The following DCPS variants were observed in gnomAD, a reference collection of about 807,000 sequenced individuals.
The protein encoded by DCPS is decapping enzyme, scavenger.
Under a neutral mutation model 34.7 loss-of-function variants are expected in DCPS, and 27 were observed. The observed-to-expected ratio is 0.78, with a 90% CI of 0.57 to 1.07. DCPS has a LOEUF of 1.07. Ranked by LOEUF, DCPS falls within the 50% of genes least tolerant of loss-of-function variation. The pLI, the probability that DCPS is intolerant of heterozygous loss-of-function variation, is 0.00. For missense variants in DCPS, 464 were observed against 436.9 expected, an observed-to-expected ratio of 1.06 and a Z score of -0.55; for synonymous variants, 185 against 185.7, an observed-to-expected ratio of 1.00 and a Z score of 0.03.
rs941482241 is a variant in DCPS, at chr11:126,346,778, A to G, written c.*1165A>G. ...CCCTGCCTGAGAACCAGGAAGCCTCATTCAGAGATTAGCCCCTTTACTGCA... is the reference window on the plus strand; with the variant it reads ...CCCTGCCTGAGAACCAGGAAGCCTCGTTCAGAGATTAGCCCCTTTACTGCA... On this transcript the variant is annotated 3_prime_UTR_variant, in exon 6 of 6. Coordinates refer to ENST00000263579, the MANE Select transcript of DCPS (RefSeq NM_014026.6). This position sits in a 1 kb window ranked among gnomAD's most constrained non-coding sequence, Gnocchi z 4.1. 6.6e-6 allele frequency among the ~76,000 whole-genome samples: 1 copy of G among 152,214 alleles called. No homozygotes were observed. Among genetic ancestry groups the G allele is most frequent in the Non-Finnish European group, 1.5e-5 (1 of 68,032 alleles).
In DCPS at chr11:126,313,813, A is replaced by G. The variant is rs1951636509; in HGVS notation, c.376+7069A>G. On this transcript the variant is annotated intron_variant, in intron 2 of 5. Coordinates refer to ENST00000263579, the MANE Select transcript of DCPS (RefSeq NM_014026.6). The surrounding 1 kb of genome is among the most constrained non-coding windows in gnomAD (Gnocchi z 4.9). ...TGTTCTGAGCATATGTATTCTTTTT[A>G]TTTTACTTAGGTTTTTAAGTGGTAC... is the stretch of plus-strand genomic sequence containing the variant. Among the ~76,000 whole-genome samples, 1 of 152,116 alleles carries G rather than the reference A, an allele frequency of 6.6e-6. No individual in the cohort carries two copies.
rs1398732645 is a variant in DCPS, at chr11:126,320,155, G to A, written c.377-11250G>A. ...ACCTGCCTCAGCCTCTCAAAGTGCT[G>A]GGATTACAGGCATGAGCTACGGTGC... On this transcript the variant is annotated intron_variant, in intron 2 of 5. Transcript: ENST00000263579. The surrounding 1 kb of genome is among the most constrained non-coding windows in gnomAD (Gnocchi z 4.7). 6.6e-6 allele frequency among the ~76,000 whole-genome samples: 1 copy of A among 152,006 alleles called. No individual in the cohort carries two copies. Among genetic ancestry groups the A allele is most frequent in the Non-Finnish European group, 1.5e-5 (1 of 68,016 alleles).
chr11:126,312,367 C>A lies in DCPS; in HGVS notation c.376+5623C>A, dbSNP rs1324760423. On this transcript the variant is annotated intron_variant, in intron 2 of 5. Transcript: ENST00000263579. The surrounding 1 kb of genome is among the most constrained non-coding windows in gnomAD (Gnocchi z 5.1). ...TATTTATTTATTTTTGGGGCAGAATCTCTCTCTGTCACCCAGGCTGGAGTG... is the reference window on the plus strand; with the variant it reads ...TATTTATTTATTTTTGGGGCAGAATATCTCTCTGTCACCCAGGCTGGAGTG... Among the ~76,000 whole-genome samples the A allele has an allele frequency of 6.6e-6, 1 of 151,718 alleles. No homozygotes were observed. Among genetic ancestry groups the A allele is most frequent in the African/African-American group, 2.4e-5 (1 of 41,256 alleles).
rs1367173796 is a variant in DCPS at position 126,347,941 on chromosome 11, G to A, written c.*2328G>A. Among the ~76,000 whole-genome samples, 1 of 152,084 alleles carries A rather than the reference G, an allele frequency of 6.6e-6. No individual in the cohort carries two copies. The highest frequency in any genetic ancestry group is 2.4e-5 in the African/African-American group (1 of 41,410). On this transcript the variant is annotated 3_prime_UTR_variant, in exon 6 of 6. Coordinates refer to ENST00000263579, the MANE Select transcript of DCPS (RefSeq NM_014026.6). This position sits in a 1 kb window ranked among gnomAD's most constrained non-coding sequence, Gnocchi z 4.2. ...TCCCTGTGGAGCAGCCCTTCCCTGT[G>A]GCCTCAGCCCATGCCCTCCTGCCCA...
At chr11:126,316,901 C>T (rs1366909235) in intron 2 of DCPS, among the ~76,000 whole-genome samples, 1 of 150,538 alleles carries the variant, frequency 6.6e-6, no homozygotes, top group African/African-American at 2.4e-5. Flanking sequence ...GGTGATCTGC[C>T]CACCTCAGCC....
Position 126,338,342 on chromosome 11 carries a change from C to T in DCPS, c.579C>T (p.Asn193=), listed in dbSNP as rs1322195641. ...AAGCGGACCGGATTGTTTTCGAGAA[C>T]CCAGATCCCTCTGATGGTTTTGTCC... ...KAEADRIVFE[N]PDPSDGFVLI... The change falls in exon 4 of 6, where the codon AAC becomes AAT. Residue 193 remains asparagine, a synonymous_variant. Transcript: ENST00000263579. This position sits in a 1 kb window ranked among gnomAD's most constrained non-coding sequence, Gnocchi z 5.4. 6.2e-7 allele frequency: 1 copy of T among 1,614,162 alleles called. No homozygotes were observed. Among genetic ancestry groups the T allele is most frequent in the East Asian group, 2.2e-5 (1 of 44,884 alleles).
At chr11:126,308,540 G>T (rs544983308) in intron 2 of DCPS, among the ~76,000 whole-genome samples, 143 of 152,322 alleles carry the variant, frequency 9.4e-4, no homozygotes, top group Non-Finnish European at 1.5e-3. Flanking sequence ...TGATGGAAAT[G>T]GACAGCTGTA....
chr11:126,314,517 A>G (rs1951644144), intron 2 of DCPS, among the ~76,000 whole-genome samples: 1 of 151,656 alleles, frequency 6.6e-6, no homozygotes, highest in Non-Finnish European at 1.5e-5. Flanking sequence ...ATAAGTCATT[A>G]TATGAAAAAG....
rs1402519793 is a variant in DCPS at position 126,304,245 on chromosome 11, G to A, written c.165G>A (p.Glu55=). The change falls in exon 1 of 6, where the codon GAG becomes GAA. Residue 55 remains glutamate, a synonymous_variant. Coordinates refer to ENST00000263579, the MANE Select transcript of DCPS (RefSeq NM_014026.6). ...TCAGACTGCAGAAGGTGCTGAGGGA[G>A]TCTGCGCGGGACAAAATCATTTTCC... The part of the protein sequence containing the change: ...SGFRLQKVLR[E]SARDKIIFLH... 8.1e-6 allele frequency: 13 copies of A among 1,614,242 alleles called. No homozygotes were observed. The highest frequency in any genetic ancestry group is 1.1e-5 in the Non-Finnish European group (13 of 1,180,048).
In DCPS at chr11:126,334,867, A is replaced by G. The variant is rs142114305; in HGVS notation, c.522+3317A>G. ...TTGTGAGTCATCCAGCTAGACTTCA[A>G]CCTCAGCCTGGTGTTTGGATTCTCA... On this transcript the variant is annotated intron_variant, in intron 3 of 5. Transcript: ENST00000263579. The surrounding 1 kb of genome is among the most constrained non-coding windows in gnomAD (Gnocchi z 5.5). 1.9e-3 allele frequency among the ~76,000 whole-genome samples: 294 copies of G among 152,290 alleles called. 2 individuals carry two copies. Among genetic ancestry groups the G allele is most frequent in the African/African-American group, 6.7e-3 (279 of 41,552 alleles).
At position 126,346,254 on chromosome 11, in the gene DCPS, C is replaced by T. The variant is rs1951927873; in HGVS notation, c.*641C>T. ...GCAAGGCCGAAAAGCCTGCCTTGCT[C>T]TGTTATTTGGTCAGCGAGTCCCCAG... is the stretch of plus-strand genomic sequence containing the variant. On this transcript the variant is annotated 3_prime_UTR_variant, in exon 6 of 6. Transcript: ENST00000263579. The surrounding 1 kb of genome is among the most constrained non-coding windows in gnomAD (Gnocchi z 4.1). Among the ~76,000 whole-genome samples, 1 of 152,146 alleles carries T rather than the reference C, an allele frequency of 6.6e-6. No homozygotes were observed.
intron 2 of DCPS, among the ~76,000 whole-genome samples, chr11:126,317,752 C>T (rs1311241290): frequency 1.3e-5 from 2 of 152,242 alleles, no homozygotes; most frequent in Admixed American, 6.5e-5. Flanking sequence ...CTGGTCTGCT[C>T]AACCCCAGCA....
At position 126,338,578 on chromosome 11, in the gene DCPS, G is replaced by A. The variant is rs1951853495; in HGVS notation, c.636+179G>A. Among the ~76,000 whole-genome samples, 1 of 152,188 alleles carries A rather than the reference G, an allele frequency of 6.6e-6. No homozygotes were observed. Among genetic ancestry groups the A allele is most frequent in the Non-Finnish European group, 1.5e-5 (1 of 68,020 alleles). On this transcript the variant is annotated intron_variant, in intron 4 of 5. Transcript: ENST00000263579. This position sits in a 1 kb window ranked among gnomAD's most constrained non-coding sequence, Gnocchi z 5.4. ...ATACCTGTCATACATAAGTGCTTTT[G>A]CTTTAATGGGTCAGCTTAAAGCCCT...
chr11:126,306,140 A>T (rs939279340), intron 1 of DCPS, among the ~76,000 whole-genome samples: 1 of 152,112 alleles, frequency 6.6e-6, no homozygotes, highest in Non-Finnish European at 1.5e-5. Flanking sequence ...TGGGAGGCTG[A>T]GGCAGGCATA....
Position 126,335,393 on chromosome 11 carries a change from T to TC in DCPS, c.523-2889dup, listed in dbSNP as rs1398944438. Among the ~76,000 whole-genome samples the TC allele has an allele frequency of 1.3e-5, 2 of 152,262 alleles. No individual in the cohort carries two copies. The highest frequency in any genetic ancestry group is 2.9e-5 in the Non-Finnish European group (2 of 68,048). On this transcript the variant is annotated intron_variant, in intron 3 of 5. Coordinates refer to ENST00000263579, the MANE Select transcript of DCPS (RefSeq NM_014026.6). This position sits in a 1 kb window ranked among gnomAD's most constrained non-coding sequence, Gnocchi z 4.8. ...TGGGCATGGTTTCAGATGGTGGCAC[T>TC]CCCCATTACATAGCTCTCTGTGTTT...
At chr11:126,307,202 G>A (rs528674409) in intron 2 of DCPS, among the ~76,000 whole-genome samples, 2 of 151,728 alleles carry the variant, frequency 1.3e-5, no homozygotes, top group Non-Finnish European at 2.9e-5. Context: ...GCATGGTGGC[G>A]TTCACCTGTA....
At chr11:126,309,984 T>C (rs1042537630) in intron 2 of DCPS, among the ~76,000 whole-genome samples, 19 of 152,170 alleles carry the variant, frequency 1.2e-4, no homozygotes, top group African/African-American at 4.3e-4. Context: ...ATTGTACAAA[T>C]AGAGGTCCAG....
rs1270522002 is a variant in DCPS, at chr11:126,334,701, A to G, written c.522+3151A>G. ...TTGGAGACAGGTCTCAAAGCCAGGC[A>G]GTCTGGTCCCAGTATCTGTGCCCTA... On this transcript the variant is annotated intron_variant, in intron 3 of 5. Coordinates refer to ENST00000263579, the MANE Select transcript of DCPS (RefSeq NM_014026.6). The surrounding 1 kb of genome is among the most constrained non-coding windows in gnomAD (Gnocchi z 5.5). Among the ~76,000 whole-genome samples, 1 of 152,216 alleles carries G rather than the reference A, an allele frequency of 6.6e-6. No homozygotes were observed. The highest frequency in any genetic ancestry group is 2.4e-5 in the African/African-American group (1 of 41,446).
chr11:126,348,472 C>T lies in DCPS; in HGVS notation c.*2859C>T, dbSNP rs567317778. ...AGCCAGTGCTCTGCTGCTGTAATCT[C>T]CAGGGACCCTGCCGGCCACGGCCCC... On this transcript the variant is annotated 3_prime_UTR_variant, in exon 6 of 6. Coordinates refer to ENST00000263579, the MANE Select transcript of DCPS (RefSeq NM_014026.6). This position sits in a 1 kb window ranked among gnomAD's most constrained non-coding sequence, Gnocchi z 5.3. Among the ~76,000 whole-genome samples the T allele has an allele frequency of 6.6e-6, 1 of 152,388 alleles. No individual in the cohort carries two copies. Among genetic ancestry groups the T allele is most frequent in the East Asian group, 1.9e-4 (1 of 5,192 alleles).
Sources: gnomAD v4.1 joint callset for allele counts (sites outside exome capture counted in the v4.1 genomes callset) on GRCh38, gnomAD v4.1.1 for gene constraint, Gnocchi (gnomAD v3.1) non-coding constraint, MANE v1.5 for transcripts, NCBI Gene and HGNC (gene_info 2026-07-23, HGNC 2026-07-21) for gene names.